The following MAGI2 variants were observed in gnomAD, a reference collection of about 807,000 sequenced individuals.
MAGI2 encodes membrane associated guanylate kinase, WW and PDZ domain containing 2.
Under a neutral mutation model 133.3 loss-of-function variants are expected in MAGI2, and 35 were observed. The ratio of observed to expected loss-of-function variants is 0.26; its 90% CI spans 0.20 to 0.35. MAGI2 has a LOEUF of 0.35. Ranked by LOEUF, MAGI2 falls within the 10% of genes least tolerant of loss-of-function variation. The pLI is 1.00. For synonymous variants in MAGI2, 729 were observed against 710.6 expected (o/e 1.03, Z -0.41); for missense variants, 1,636 against 1,863.4 (o/e 0.88, Z 2.25).
chr7:78,311,960 G>T (rs528281416), intron 9 of MAGI2, among the ~76,000 whole-genome samples: 2 of 151,868 alleles, frequency 1.3e-5, no homozygotes, highest in South Asian at 2.1e-4. Context: ...TAGTAGAGAC[G>T]GGGTTTCACC....
At chr7:79,155,125 T>C (rs1366302288) in intron 1 of MAGI2, among the ~76,000 whole-genome samples, 1 of 152,150 alleles carries the variant, frequency 6.6e-6, no homozygotes, top group Non-Finnish European at 1.5e-5. Flanking sequence ...TGCCAGCTGG[T>C]TTGCAGGCAG....
At chr7:79,093,394 A>G (rs1817235227) in intron 1 of MAGI2, among the ~76,000 whole-genome samples, 1 of 152,308 alleles carries the variant, frequency 6.6e-6, no homozygotes, top group Middle Eastern at 3.4e-3. Flanking sequence ...GACCACCACA[A>G]TAAAGCAAAT....
intron 1 of MAGI2, among the ~76,000 whole-genome samples, chr7:79,433,822 AT>A (rs1847952172): frequency 6.6e-6 from 1 of 152,176 alleles, no homozygotes; most frequent in African/African-American, 2.4e-5. Flanking sequence ...AAGTCAACTG[AT>A]TTGTCTACCA....
At chr7:79,077,446 A>G (rs1815574790) in intron 1 of MAGI2, among the ~76,000 whole-genome samples, 2 of 151,504 alleles carry the variant, frequency 1.3e-5, no homozygotes, top group Non-Finnish European at 2.9e-5. Context: ...CTGTAGTCCC[A>G]GCTAAGTAGT....
chr7:78,953,185 T>C (rs565029245), intron 2 of MAGI2, among the ~76,000 whole-genome samples: 4 of 152,182 alleles, frequency 2.6e-5, no homozygotes, highest in Admixed American at 6.5e-5. Context: ...AACATCACCA[T>C]CTTCCCCAAA....
In MAGI2 at chr7:78,178,068, C is replaced by T; in HGVS notation, c.2346G>A (p.Arg782=). 1.2e-6 allele frequency: 2 copies of T among 1,613,198 alleles called. No homozygotes were observed. The highest frequency in any genetic ancestry group is 1.7e-4 in the Middle Eastern group (1 of 6,054). Residue 782 remains arginine (R), a synonymous_variant, in exon 14 of 22, where the codon CGG becomes CGA. Transcript: ENST00000354212. ...PDYKELDVHL[R]RMESGFGFRI... is the part of the protein sequence containing the mutation. ...TGAAGCCAAATCCAGACTCCATCCT[C>T]CGAAGATGAACATCCAATTCCTTAT...
intron 2 of MAGI2, among the ~76,000 whole-genome samples, chr7:78,699,080 G>A (rs1817803326): frequency 6.6e-6 from 1 of 152,188 alleles, no homozygotes. Context: ...TGACACCTTT[G>A]CTTTCTGATG....
chr7:78,661,695 A>G (rs1812977612), intron 2 of MAGI2, among the ~76,000 whole-genome samples: 1 of 152,140 alleles, frequency 6.6e-6, no homozygotes, highest in South Asian at 2.1e-4. Context: ...GTTACAGTCT[A>G]TTCTTAAATG....
At chr7:78,224,943 A>G (rs569789355) in intron 10 of MAGI2, among the ~76,000 whole-genome samples, 2 of 152,164 alleles carry the variant, frequency 1.3e-5, no homozygotes, top group East Asian at 3.9e-4. Flanking sequence ...GCAGAGAAAT[A>G]GGTCCTGAGG....
intron 2 of MAGI2, among the ~76,000 whole-genome samples, chr7:78,780,462 A>T (rs1478884377): frequency 6.6e-6 from 1 of 152,218 alleles, no homozygotes; most frequent in African/African-American, 2.4e-5. Context: ...GAGTATCAGG[A>T]GTTTCAATTA....
intron 1 of MAGI2, chr7:79,413,038 C>G (rs137936288): frequency 1.3e-3 from 194 of 152,172 alleles, no homozygotes; most frequent in African/African-American, 4.5e-3. Flanking sequence ...TCTCTGAAGC[C>G]ACCACTTGGA....
intron 20 of MAGI2, among the ~76,000 whole-genome samples, chr7:78,111,232 G>A (rs1819329688): frequency 6.6e-6 from 1 of 152,206 alleles, no homozygotes; most frequent in Admixed American, 6.5e-5. Context: ...TCTCCTCACT[G>A]AAGAGGCAAG....
chr7:78,813,321 T>A (rs1023770407), intron 2 of MAGI2, among the ~76,000 whole-genome samples: 1 of 151,900 alleles, frequency 6.6e-6, no homozygotes, highest in African/African-American at 2.4e-5. Context: ...AAATCAGTAA[T>A]AAAGAAAAAG....
At chr7:78,668,530 T>G (rs1046995936) in intron 2 of MAGI2, among the ~76,000 whole-genome samples, 1 of 151,606 alleles carries the variant, frequency 6.6e-6, no homozygotes, top group African/African-American at 2.4e-5. Context: ...GTTTTAGGTC[T>G]AATGTTTAAG....
chr7:78,970,265 G>C, intron 2 of MAGI2, among the ~76,000 whole-genome samples: 1 of 152,000 alleles, frequency 6.6e-6, no homozygotes, highest in Middle Eastern at 3.2e-3. Flanking sequence ...TTAAGCAAGT[G>C]ACTTATTTTA....
chr7:78,045,783 T>C (rs1811357233), intron 21 of MAGI2, among the ~76,000 whole-genome samples: 1 of 152,180 alleles, frequency 6.6e-6, no homozygotes. Context: ...CAGGGTGCTT[T>C]ATAGCCTTAT....
intron 1 of MAGI2, 135 bp downstream of exon 1, chr7:79,452,885 C>A (rs1849385653): frequency 1.1e-6 from 1 of 939,466 alleles, no homozygotes; most frequent in Non-Finnish European, 1.6e-6. Context: ...CTCACTTGCA[C>A]TGCGGGTGCT....
At chr7:78,126,787 C>G (rs1179426295) in intron 19 of MAGI2, among the ~76,000 whole-genome samples, 1 of 152,080 alleles carries the variant, frequency 6.6e-6, no homozygotes, top group Non-Finnish European at 1.5e-5. Flanking sequence ...TAGGGGGCCA[C>G]GTAAAAAAAT....
chr7:78,197,353 A>C (rs184079809), intron 11 of MAGI2, among the ~76,000 whole-genome samples: 1 of 152,330 alleles, frequency 6.6e-6, no homozygotes, highest in African/African-American at 2.4e-5. Flanking sequence ...ATAAATTAGA[A>C]ATATGGTCTG....
Sources: allele counts gnomAD v4.1 joint callset (sites outside exome capture counted in the v4.1 genomes callset), GRCh38; gene constraint gnomAD v4.1.1; transcripts MANE v1.5; gene names NCBI Gene and HGNC (gene_info 2026-07-23, HGNC 2026-07-21).